STXBP5L: variants seen among roughly 807,000 people sequenced by gnomAD.
STXBP5L encodes syntaxin binding protein 5L, also known as syntaxin-binding protein 5-like.
Under a neutral mutation model 144.5 loss-of-function variants are expected in STXBP5L, and 65 were observed. The observed-to-expected ratio is 0.45, with a 90% CI of 0.37 to 0.55. The LOEUF (loss-of-function observed/expected upper bound fraction) is 0.55, where lower values mean the gene tolerates loss of function less well. Ranked by LOEUF, STXBP5L falls within the 20% of genes least tolerant of loss-of-function variation. STXBP5L has a pLI of 0.00. For synonymous variants in STXBP5L, 505 were observed against 469.6 expected (o/e 1.08, Z -0.97); for missense variants, 1,298 against 1,405.5 (o/e 0.92, Z 1.22).
intron 9 of STXBP5L, among the ~76,000 whole-genome samples, chr3:121,184,224 C>T (rs527674125): frequency 3.4e-4 from 51 of 151,812 alleles, no homozygotes; most frequent in Admixed American, 2.8e-3. Flanking sequence ...TTTGATGAAC[C>T]GACAGAAGTA....
chr3:121,325,999 TAA>T (rs553855742), intron 20 of STXBP5L, among the ~76,000 whole-genome samples: 2 of 137,888 alleles, frequency 1.5e-5, no homozygotes, highest in Non-Finnish European at 1.6e-5. Flanking sequence ...TTATGTCTAC[TAA>T]AAAAAAAAAA....
chr3:121,011,095 G>T (rs1406076921), intron 3 of STXBP5L, among the ~76,000 whole-genome samples: 2 of 149,478 alleles, frequency 1.3e-5, no homozygotes, highest in East Asian at 3.9e-4. Flanking sequence ...GGAGTTTCAG[G>T]ACTGCTTTCT....
In STXBP5L at chr3:121,392,902, T is replaced by C. The variant is rs1489704063; in HGVS notation, c.2587+11370T>C. Among the ~76,000 whole-genome samples, 36 of 150,948 alleles carry C rather than the reference T, an allele frequency of 2.4e-4. 1 individual carries two copies. The highest frequency in any genetic ancestry group is 2.4e-3 in the Admixed American group (36 of 15,104). ...GTGCTGCAATAAACATACACGTGCT[T>C]GTGTCTTTTTGATATGATTATTTCT... On this transcript the variant is annotated intron_variant, in intron 22 of 26. Transcript: ENST00000471454.
chr3:121,045,581 A>G (rs773735117), intron 5 of STXBP5L, 46 bp downstream of exon 5: 2 of 1,549,996 alleles, frequency 1.3e-6, no homozygotes, highest in South Asian at 2.4e-5. Context: ...CAACAAAATT[A>G]TTTCCTGAGC....
intron 10 of STXBP5L, among the ~76,000 whole-genome samples, chr3:121,210,280 TG>T (rs2048506981): frequency 6.6e-6 from 1 of 152,170 alleles, no homozygotes; most frequent in African/African-American, 2.4e-5. Flanking sequence ...TTGATGGAGT[TG>T]TTTGTTTTTT....
At chr3:121,268,882 G>A (rs982806259) in intron 18 of STXBP5L, among the ~76,000 whole-genome samples, 5 of 151,980 alleles carry the variant, frequency 3.3e-5, no homozygotes, top group South Asian at 2.1e-4. Context: ...TCAGTTTGTC[G>A]CACATATATG....
intron 9 of STXBP5L, among the ~76,000 whole-genome samples, chr3:121,178,274 AT>A (rs1188423074): frequency 6.6e-6 from 1 of 152,152 alleles, no homozygotes; most frequent in African/African-American, 2.4e-5. Context: ...TTGATTTTAA[AT>A]TTTATCTTAG....
chr3:120,921,834 T>TGATAC (rs1448289301), intron 2 of STXBP5L, among the ~76,000 whole-genome samples: 1 of 152,122 alleles, frequency 6.6e-6, no homozygotes, highest in Non-Finnish European at 1.5e-5. Context: ...GTATCTTTGT[T>TGATAC]TATGCCAGTA....
At chr3:121,184,830 C>A (rs146978995) in intron 9 of STXBP5L, among the ~76,000 whole-genome samples, 1 of 152,142 alleles carries the variant, frequency 6.6e-6, no homozygotes, top group African/African-American at 2.4e-5. Flanking sequence ...GTCAGGTTAC[C>A]CAGAAAGGAA....
intron 20 of STXBP5L, among the ~76,000 whole-genome samples, chr3:121,328,371 C>G (rs1355214240): frequency 1.3e-5 from 2 of 152,168 alleles, no homozygotes; most frequent in African/African-American, 4.8e-5. Flanking sequence ...AGGGAAGCAT[C>G]AATCTTTCTG....
In STXBP5L at chr3:121,258,678, G is replaced by C. The variant is rs1302408702; in HGVS notation, c.1833-365G>C. Among the ~76,000 whole-genome samples, 4 of 152,026 alleles carry C rather than the reference G, an allele frequency of 2.6e-5. No individual in the cohort carries two copies. The East Asian group carries it at 7.7e-4, about 29-fold the overall frequency. ...TGTTGAACTCTTACACTGGAGGGTA[G>C]GTTAATGGTCATTTGTTTTATTGTT... On this transcript the variant is annotated intron_variant, in intron 17 of 26. Transcript: ENST00000471454.
At chr3:121,019,574 G>T (rs916383895) in intron 3 of STXBP5L, among the ~76,000 whole-genome samples, 1 of 152,172 alleles carries the variant, frequency 6.6e-6, no homozygotes, top group Non-Finnish European at 1.5e-5. Context: ...TTAGAGACCT[G>T]ATAATGGATC....
At chr3:121,392,386 C>A (rs149281564) in intron 22 of STXBP5L, among the ~76,000 whole-genome samples, 56 of 152,252 alleles carry the variant, frequency 3.7e-4, no homozygotes, top group Admixed American at 7.2e-4. Flanking sequence ...CACCCTGCTT[C>A]AGCTCACTCT....
intron 20 of STXBP5L, among the ~76,000 whole-genome samples, chr3:121,352,257 C>A (rs553469619): frequency 9.2e-5 from 14 of 152,084 alleles, no homozygotes; most frequent in Non-Finnish European, 2.9e-5. Context: ...GGCATTGAAT[C>A]TATAAATTAC....
chr3:121,315,983 A>G (rs2043772763), intron 19 of STXBP5L, among the ~76,000 whole-genome samples: 1 of 132,598 alleles, frequency 7.5e-6, no homozygotes, highest in Non-Finnish European at 1.6e-5. Flanking sequence ...AGCCTGGGCG[A>G]TAGTGAGACT....
intron 3 of STXBP5L, among the ~76,000 whole-genome samples, chr3:120,965,096 C>A (rs1039726956): frequency 6.6e-6 from 1 of 152,024 alleles, no homozygotes; most frequent in Admixed American, 6.6e-5. Flanking sequence ...ATTGCAACCC[C>A]TGGTTTTTTT....
intron 22 of STXBP5L, among the ~76,000 whole-genome samples, chr3:121,387,586 G>A (rs920806254): frequency 6.6e-6 from 1 of 152,132 alleles, no homozygotes; most frequent in African/African-American, 2.4e-5. Flanking sequence ...TTTGTTTAAG[G>A]TGTAAGGAAA....
intron 7 of STXBP5L, among the ~76,000 whole-genome samples, chr3:121,147,113 G>T (rs1488183136): frequency 1.3e-5 from 2 of 152,006 alleles, no homozygotes; most frequent in Non-Finnish European, 2.9e-5. Context: ...ACTTAACCAA[G>T]TTGACACATA....
intron 10 of STXBP5L, among the ~76,000 whole-genome samples, chr3:121,217,226 G>A (rs1036353904): frequency 2.0e-5 from 3 of 152,134 alleles, no homozygotes; most frequent in African/African-American, 7.2e-5. Flanking sequence ...TGCCAGCGAG[G>A]TATGAAAAGA....
Sources: allele counts gnomAD v4.1 joint callset (sites outside exome capture counted in the v4.1 genomes callset), GRCh38; gene constraint gnomAD v4.1.1; transcripts MANE v1.5; gene names NCBI Gene and HGNC (gene_info 2026-07-23, HGNC 2026-07-21).